Variants in MYO5B observed in about 807,000 individuals in gnomAD.
MYO5B encodes unconventional myosin-Vb.
Under a neutral mutation model 229.3 loss-of-function variants are expected in MYO5B, and 143 were observed. The observed-to-expected ratio is 0.62, with a 90% confidence interval of 0.54 to 0.72. MYO5B has a LOEUF of 0.72. MYO5B is among the 30% of genes least tolerant of loss of function. The probability of loss-of-function intolerance (pLI) is 0.00; values close to 1 mark genes in which losing one functional copy is unlikely to be tolerated. For synonymous variants in MYO5B, 918 were observed against 885.2 expected (o/e 1.04, Z -0.66); for missense variants, 2,321 against 2,331.0 (o/e 1.00, Z 0.09).
rs913258377 is a variant in MYO5B, at chr18:50,194,648, A to AG, written c.27+118dup. 4.4e-4 allele frequency: 290 copies of AG among 665,428 alleles called. 4 individuals carry two copies. The East Asian group carries it at 8.0e-3, about 18-fold the overall frequency. 41.2% of individuals were successfully genotyped at this position (665,428 alleles called of 1,614,324 possible). The stretch of plus-strand genomic sequence containing the variant: ...GACAGTGACGAGGAGGACACCGCGG[A>AG]GGGGGGTCTCCCGTCACCTCCCGCC... On this transcript the variant is annotated intron_variant, in intron 1 of 39. Coordinates refer to ENST00000285039, the MANE Select transcript of MYO5B (RefSeq NM_001080467.3).
In MYO5B at chr18:49,992,377, AC is replaced by A; in HGVS notation, c.666del (p.Lys222AsnfsTer18). On this transcript the variant is annotated frameshift_variant, in exon 6 of 40. Transcript: ENST00000285039. LOFTEE classifies it high-confidence loss of function. Reference sequence around the variant, plus strand: ...CTTTTGTCAAAGCCAATCTGGATGTACTTGCCAAAACGGCTGCTGTTGTCAT... The same window carrying A: ...CTTTTGTCAAAGCCAATCTGGATGTATTGCCAAAACGGCTGCTGTTGTCAT... ...TRNDNSSRFG[K>X]YIQIGFDKRY... 1.2e-6 allele frequency: 2 copies of A among 1,614,186 alleles called. No homozygotes were observed. Among genetic ancestry groups the A allele is most frequent in the Non-Finnish European group, 1.7e-6 (2 of 1,180,028 alleles).
At chr18:49,919,561 G>A (rs772726694) in intron 17 of MYO5B, among the ~76,000 whole-genome samples, 10 of 152,166 alleles carry the variant, frequency 6.6e-5, no homozygotes, top group Non-Finnish European at 1.2e-4. Flanking sequence ...AAATGGCCAA[G>A]CACATGAAAG....
intron 1 of MYO5B, among the ~76,000 whole-genome samples, chr18:50,194,338 T>C (rs2033269386): frequency 6.6e-6 from 1 of 151,898 alleles, no homozygotes; most frequent in Non-Finnish European, 1.5e-5. Context: ...GCAGAGCCCC[T>C]GGGGTGGGGT....
intron 1 of MYO5B, among the ~76,000 whole-genome samples, chr18:50,073,386 G>GC (rs1242234451): frequency 6.6e-6 from 1 of 152,170 alleles, no homozygotes; most frequent in African/African-American, 2.4e-5. Flanking sequence ...GGAAGGACAA[G>GC]CCCTCCTCTA....
intron 1 of MYO5B, among the ~76,000 whole-genome samples, chr18:50,080,095 G>A (rs1272527161): frequency 1.3e-5 from 2 of 152,148 alleles, no homozygotes; most frequent in African/African-American, 4.8e-5. Flanking sequence ...CAACACCACT[G>A]TCCATGTCCA....
rs201670299 is a variant in MYO5B at position 49,912,141 on chromosome 18, C to T, written c.2123G>A (p.Arg708Gln). 1,299 of 1,613,952 alleles carry T rather than the reference C, an allele frequency of 8.0e-4. 1 individual carries two copies. The highest frequency in any genetic ancestry group is 7.8e-4 in the South Asian group (71 of 91,052). ...WAYHDFFNRYRVLVKKRELAN... is the reference protein window; with the variant it reads ...WAYHDFFNRYQVLVKKRELAN... ...GAGCTCTCTCTTCTTGACCAGCACC[C>T]GATACCGGTTGAAAAAGTCATGGTA... Residue 708 changes from arginine to glutamine, a missense_variant, in exon 18 of 40, where the codon CGG (arginine) becomes CAG (glutamine). Arg to Gln is a conservative substitution (Grantham distance 43). Transcript: ENST00000285039.
intron 1 of MYO5B, among the ~76,000 whole-genome samples, chr18:50,073,579 CT>C (rs1434412544): frequency 2.6e-5 from 4 of 152,208 alleles, no homozygotes; most frequent in Non-Finnish European, 5.9e-5. Context: ...CTGCTGGGAT[CT>C]TGTCCAGCCA....
intron 1 of MYO5B, among the ~76,000 whole-genome samples, chr18:50,159,092 G>A (rs530804126): frequency 6.6e-6 from 1 of 152,282 alleles, no homozygotes; most frequent in East Asian, 1.9e-4. Flanking sequence ...GACTCCCAGA[G>A]AAGTCAAACA....
chr18:50,188,785 T>TAAAA lies in MYO5B; in HGVS notation c.27+5978_27+5981dup, dbSNP rs4042094. Among the ~76,000 whole-genome samples, 262 of 105,066 alleles carry TAAAA rather than the reference T, an allele frequency of 2.5e-3. 9 individuals carry two copies. The highest frequency in any genetic ancestry group is 3.2e-3 in the Non-Finnish European group (171 of 53,896). 68.9% of individuals were successfully genotyped at this position (105,066 alleles called of 152,430 possible). ...CTGGTGACACAGTGAGACTCTGTCA[T>TAAAA]AAAAAAAAAAAAAAAAAAAAAAAAA... On this transcript the variant is annotated intron_variant, in intron 1 of 39. Transcript: ENST00000285039.
intron 26 of MYO5B, among the ~76,000 whole-genome samples, chr18:49,873,427 C>A (rs1223578330): frequency 1.3e-5 from 2 of 152,198 alleles, no homozygotes; most frequent in East Asian, 3.9e-4. Context: ...GGAACAGGAT[C>A]TGAGCATCTC....
Position 49,929,530 on chromosome 18 carries a change from G to C in MYO5B, c.2072C>G (p.Ala691Gly). ...TAGTTACCTGGATGGGTAGCCAGCT[G>C]CACTGATTCGAATCGTCTCCAACAC... ...CGVLETIRIS[A>G]AGYPSRWAYH... The change falls in exon 17 of 40, where the codon GCA becomes GGA. Residue 691 changes from alanine (A) to glycine (G), a missense_variant. Coordinates refer to ENST00000285039, the MANE Select transcript of MYO5B (RefSeq NM_001080467.3). 2 of 1,607,534 alleles carry C rather than the reference G, an allele frequency of 1.2e-6. No homozygotes were observed. Among genetic ancestry groups the C allele is most frequent in the Non-Finnish European group, 1.7e-6 (2 of 1,178,664 alleles).
intron 17 of MYO5B, among the ~76,000 whole-genome samples, chr18:49,925,525 T>C (rs143618617): frequency 2.6e-5 from 4 of 152,350 alleles, no homozygotes; most frequent in East Asian, 1.9e-4. Flanking sequence ...AAATATTCTA[T>C]AGTTTGACTC....
rs543462665 is a variant in MYO5B at position 50,183,866 on chromosome 18, A to G, written c.27+10901T>C. 5.3e-5 allele frequency among the ~76,000 whole-genome samples: 8 copies of G among 152,108 alleles called. No individual in the cohort carries two copies. The South Asian group carries it at 1.5e-3, about 28-fold the overall frequency. On this transcript the variant is annotated intron_variant, in intron 1 of 39. Coordinates refer to ENST00000285039, the MANE Select transcript of MYO5B (RefSeq NM_001080467.3). Reference sequence around the variant, plus strand: ...TGAGACTGGATTCGTTCTCCTGGGAATGGATTCATTCCCACGACAGTGAGT... The same window carrying G: ...TGAGACTGGATTCGTTCTCCTGGGAGTGGATTCATTCCCACGACAGTGAGT...
intron 8 of MYO5B, 32 bp from the exon 9 acceptor site, chr18:49,980,585 G>C (rs556770550): frequency 7.0e-7 from 1 of 1,436,386 alleles, no homozygotes; most frequent in Admixed American, 1.7e-5. Context: ...ATGACACTCA[G>C]TATCCATGGT....
At chr18:50,117,975 C>T (rs1184856076) in intron 1 of MYO5B, among the ~76,000 whole-genome samples, 1 of 152,124 alleles carries the variant, frequency 6.6e-6, no homozygotes, top group African/African-American at 2.4e-5. Flanking sequence ...TCCTGCACTG[C>T]CAGATTTCAC....
intron 4 of MYO5B, among the ~76,000 whole-genome samples, chr18:50,033,147 G>A (rs1304600424): frequency 6.6e-6 from 1 of 152,114 alleles, no homozygotes; most frequent in Non-Finnish European, 1.5e-5. Context: ...GTAAGAATTC[G>A]AATTTCTCCA....
intron 1 of MYO5B, among the ~76,000 whole-genome samples, chr18:50,158,835 G>A (rs2032721506): frequency 6.6e-6 from 1 of 152,166 alleles, no homozygotes; most frequent in South Asian, 2.1e-4. Context: ...GGCACATTGT[G>A]GAAAGCTGTT....
At chr18:49,957,906 T>C (rs924122182) in intron 12 of MYO5B, among the ~76,000 whole-genome samples, 1 of 151,930 alleles carries the variant, frequency 6.6e-6, no homozygotes, top group African/African-American at 2.4e-5. Context: ...CCCTCCCCTC[T>C]TTGCCATCAC....
intron 1 of MYO5B, among the ~76,000 whole-genome samples, chr18:50,190,438 G>A (rs1398222136): frequency 2.0e-5 from 3 of 152,238 alleles, no homozygotes; most frequent in South Asian, 4.1e-4. Context: ...CTTTGGAGCT[G>A]ATGTGAGAGT....
Sources: gnomAD v4.1 joint callset for allele counts (sites outside exome capture counted in the v4.1 genomes callset) on GRCh38, gnomAD v4.1.1 for gene constraint, MANE v1.5 for transcripts, NCBI Gene and HGNC (gene_info 2026-07-23, HGNC 2026-07-21) for gene names.